The following LEPR variants were observed in gnomAD, a reference collection of about 807,000 sequenced individuals.
LEPR encodes leptin receptor.
In LEPR, 56 loss-of-function variants were observed where a neutral mutation model predicts 114.7. That is an observed-to-expected ratio of 0.49 (90% confidence interval 0.39 to 0.61). LEPR has a LOEUF of 0.61. Ranked by LOEUF, LEPR falls within the 20% of genes least tolerant of loss-of-function variation. LEPR has a pLI of 0.00. For synonymous variants in LEPR, 443 were observed against 461.4 expected, an observed-to-expected ratio of 0.96 and a Z score of 0.51; for missense variants, 1,202 against 1,352.9, an observed-to-expected ratio of 0.89 and a Z score of 1.75.
intron 2 of LEPR, among the ~76,000 whole-genome samples, chr1:65,447,976 G>C (rs2100309956): frequency 6.6e-6 from 1 of 152,296 alleles, no homozygotes; most frequent in African/African-American, 2.4e-5. Context: ...AACAAAGACA[G>C]TAATATATAT....
rs933207261 is a variant in LEPR, at chr1:65,425,430, A to G, written c.-21+52A>G. 5 of 1,494,132 alleles carry G rather than the reference A, an allele frequency of 3.3e-6. No homozygotes were observed. The African/African-American group carries it at 4.2e-5, about 13-fold the overall frequency. The allele number at this position is 1,494,132 out of a possible 1,614,324, so 92.6% of individuals were successfully genotyped here. On this transcript the variant is annotated intron_variant, in intron 2 of 19. Transcript: ENST00000349533. ...TTCCTCTTTCTGTGTCTTTGTCACTATTAGTATGGGTGTTAGAGAGTTCGG... is the reference window on the plus strand; with the variant it reads ...TTCCTCTTTCTGTGTCTTTGTCACTGTTAGTATGGGTGTTAGAGAGTTCGG...
chr1:65,590,086 A>T (rs1366367185), intron 5 of LEPR, among the ~76,000 whole-genome samples: 1 of 151,894 alleles, frequency 6.6e-6, no homozygotes, highest in East Asian at 1.9e-4. Context: ...TTAGGTCTTA[A>T]TAATTTCCGT....
chr1:65,633,046 T>C lies in LEPR; in HGVS notation c.2674-3145T>C. The stretch of plus-strand genomic sequence containing the variant: ...TATTGTAACCTAACACAAAAATTTA[T>C]AGTCCAGAACCCATGCTTGACAATG... On this transcript the variant is annotated intron_variant, in intron 19 of 19. Coordinates refer to ENST00000349533, the MANE Select transcript of LEPR (RefSeq NM_002303.6). The surrounding 1 kb of genome is among the most constrained non-coding windows in gnomAD (Gnocchi z 4.1). The C allele has an allele frequency of 1.1e-6, 1 of 901,916 alleles. No individual in the cohort carries two copies. The highest frequency in any genetic ancestry group is 1.7e-6 in the Non-Finnish European group (1 of 587,050). The allele number at this position is 901,916 out of a possible 1,614,324, so 55.9% of individuals were successfully genotyped here.
At chr1:65,557,404 T>A (rs1652886662) in intron 2 of LEPR, among the ~76,000 whole-genome samples, 1 of 152,174 alleles carries the variant, frequency 6.6e-6, no homozygotes, top group Admixed American at 6.6e-5. Context: ...TTCACCAATT[T>A]AAAAAATTTC....
chr1:65,509,994 C>T (rs1648950253), intron 2 of LEPR, among the ~76,000 whole-genome samples: 1 of 152,114 alleles, frequency 6.6e-6, no homozygotes. Context: ...ACTACTTAAA[C>T]AAAATAATGG....
chr1:65,629,626 T>A (rs1467704579), intron 19 of LEPR, among the ~76,000 whole-genome samples: 1 of 152,034 alleles, frequency 6.6e-6, no homozygotes, highest in Non-Finnish European at 1.5e-5. Flanking sequence ...TGTCCCTTCC[T>A]TCCTCTTCCT....
intron 2 of LEPR, among the ~76,000 whole-genome samples, chr1:65,508,103 T>C (rs1218813664): frequency 2.6e-5 from 4 of 152,234 alleles, no homozygotes. Flanking sequence ...TCTTATCCAA[T>C]GTATAACTTA....
At chr1:65,626,053 A>C (rs539198263) in intron 19 of LEPR, 7 of 1,423,428 alleles carry the variant, frequency 4.9e-6, no homozygotes, top group Admixed American at 3.8e-5. Flanking sequence ...CAGGAGGGCC[A>C]TGAAATGATC....
chr1:65,480,228 G>GAA (rs370023969), intron 2 of LEPR, among the ~76,000 whole-genome samples: 8 of 148,358 alleles, frequency 5.4e-5, no homozygotes, highest in African/African-American at 1.7e-4. Flanking sequence ...TCCTATGGTA[G>GAA]AAAAAAAAAA....
chr1:65,486,826 G>C (rs1647509803), intron 2 of LEPR, among the ~76,000 whole-genome samples: 1 of 152,166 alleles, frequency 6.6e-6, no homozygotes, highest in Admixed American at 6.6e-5. Flanking sequence ...TGGCTGTCCA[G>C]ATACCTGATG....
intron 2 of LEPR, chr1:65,432,607 C>T (rs138922214): frequency 2.9e-4 from 289 of 982,558 alleles, no homozygotes; most frequent in Non-Finnish European, 3.3e-4. Context: ...ATGCTGAGGA[C>T]AAGTTCAGAT....
intron 2 of LEPR, among the ~76,000 whole-genome samples, chr1:65,453,086 T>C (rs1279310925): frequency 6.6e-6 from 1 of 152,226 alleles, no homozygotes; most frequent in Non-Finnish European, 1.5e-5. Flanking sequence ...TGTAGTATTC[T>C]CTGATGGTAG....
intron 14 of LEPR, 125 bp downstream of exon 14, chr1:65,610,421 T>G: frequency 1.1e-5 from 9 of 824,700 alleles, no homozygotes; most frequent in Non-Finnish European, 1.5e-5. Context: ...ATTGCATTTA[T>G]GAGATGTATT....
Position 65,609,935 on chromosome 1 carries a change from C to T in LEPR, c.1753-12C>T. The T allele has an allele frequency of 1.2e-6, 2 of 1,614,102 alleles. No homozygotes were observed. Among genetic ancestry groups the T allele is most frequent in the Non-Finnish European group, 1.7e-6 (2 of 1,179,978 alleles). On this transcript the variant is annotated splice_polypyrimidine_tract_variant and intron_variant, in intron 12 of 19. Coordinates refer to ENST00000349533, the MANE Select transcript of LEPR (RefSeq NM_002303.6). ...GGTAATGATCAATCTAATGCTTTGA[C>T]TTATTTTACAGATGTATGAGGTTTA...
intron 2 of LEPR, chr1:65,526,197 C>G: frequency 1.0e-6 from 1 of 984,620 alleles, no homozygotes; most frequent in Non-Finnish European, 1.2e-6. Flanking sequence ...AACAGTAAAC[C>G]CTGGGGTCCT....
chr1:65,566,537 C>T (rs997786339), intron 3 of LEPR, among the ~76,000 whole-genome samples: 1 of 152,198 alleles, frequency 6.6e-6, no homozygotes, highest in Non-Finnish European at 1.5e-5. Flanking sequence ...ACTGTTCTCA[C>T]GTGTTTCTTA....
intron 19 of LEPR, 126 bp downstream of exon 19, chr1:65,623,107 ATC>A (rs1657983358): frequency 1.1e-6 from 1 of 908,274 alleles, no homozygotes; most frequent in East Asian, 2.7e-5. Flanking sequence ...ATCTTAATAT[ATC>A]TGTTATTATA....
chr1:65,459,299 T>G (rs1001870652), intron 2 of LEPR, among the ~76,000 whole-genome samples: 1 of 152,060 alleles, frequency 6.6e-6, no homozygotes, highest in African/African-American at 2.4e-5. Flanking sequence ...TCTGGGGAGC[T>G]GACCTCTGAG....
chr1:65,511,621 T>A (rs1213416430), intron 2 of LEPR, among the ~76,000 whole-genome samples: 1 of 152,206 alleles, frequency 6.6e-6, no homozygotes, highest in Non-Finnish European at 1.5e-5. Context: ...AAGATCTTAT[T>A]CCTACACTAA....
Sources: gnomAD v4.1 joint callset for allele counts (sites outside exome capture counted in the v4.1 genomes callset) on GRCh38, gnomAD v4.1.1 for gene constraint, Gnocchi (gnomAD v3.1) non-coding constraint, MANE v1.5 for transcripts, NCBI Gene and HGNC (gene_info 2026-07-23, HGNC 2026-07-21) for gene names.